Variants in CACNA1C observed in about 807,000 individuals in gnomAD.
The protein encoded by CACNA1C is calcium voltage-gated channel subunit alpha1 C, also known as voltage-dependent L-type calcium channel subunit alpha-1C.
Under a neutral mutation model 229.0 loss-of-function variants are expected in CACNA1C, and 30 were observed. The observed-to-expected ratio is 0.13, with a 90% CI of 0.10 to 0.18. The LOEUF (loss-of-function observed/expected upper bound fraction) is 0.18. CACNA1C is among the 10% of genes least tolerant of loss of function. The pLI is 1.00. For missense variants in CACNA1C, 1,658 were observed against 2,845.0 expected (o/e 0.58, Z 9.49); for synonymous variants, 1,114 against 1,132.5 (o/e 0.98, Z 0.33).
At chr12:2,155,953 T>C (rs2095532293) in intron 3 of CACNA1C, among the ~76,000 whole-genome samples, 1 of 152,218 alleles carries the variant, frequency 6.6e-6, no homozygotes, top group Admixed American at 6.5e-5. Flanking sequence ...TAATTTTTAT[T>C]ATTGTTATAA....
Position 2,585,629 on chromosome 12 carries a change from T to A in CACNA1C, c.2460+133T>A. The A allele has an allele frequency of 1.8e-6, 2 of 1,142,012 alleles. No homozygotes were observed. Among genetic ancestry groups the A allele is most frequent in the Non-Finnish European group, 2.5e-6 (2 of 811,532 alleles). The allele number at this position is 1,142,012 out of a possible 1,614,324, so 70.7% of individuals were successfully genotyped here. ...CCAGTGGAAAGAAAGCCAGTGGGGA[T>A]GAACAGGAGAGCTGGGAGGGGGAAG... On this transcript the variant is annotated intron_variant, in intron 17 of 46. Coordinates refer to ENST00000399655, the MANE Select transcript of CACNA1C (RefSeq NM_000719.7). The surrounding 1 kb of genome is among the most constrained non-coding windows in gnomAD (Gnocchi z 4.1).
At chr12:2,045,753 C>T (rs774168506) in intron 1 of CACNA1C, among the ~76,000 whole-genome samples, 16 of 151,970 alleles carry the variant, frequency 1.1e-4, no homozygotes, top group Non-Finnish European at 1.9e-4. Context: ...GTTAGGGTAG[C>T]GCAGTGGGTT....
At chr12:2,221,264 G>A (rs1224569828) in intron 3 of CACNA1C, among the ~76,000 whole-genome samples, 1 of 152,198 alleles carries the variant, frequency 6.6e-6, no homozygotes, top group Non-Finnish European at 1.5e-5. Context: ...GGTAGGGAGG[G>A]TGACGTGTCT....
intron 3 of CACNA1C, among the ~76,000 whole-genome samples, chr12:2,424,377 G>A (rs2099008836): frequency 6.6e-6 from 1 of 152,184 alleles, no homozygotes; most frequent in Non-Finnish European, 1.5e-5. Context: ...GGAAAACGGG[G>A]AGAAGGTGAG....
intron 3 of CACNA1C, among the ~76,000 whole-genome samples, chr12:2,320,181 GTGGT>G (rs1401576262): frequency 6.6e-6 from 1 of 152,202 alleles, no homozygotes; most frequent in Non-Finnish European, 1.5e-5. Flanking sequence ...TGGGTTTCCA[GTGGT>G]TGGTCAGTGC....
chr12:2,650,670 G>A (rs1278345805), intron 31 of CACNA1C, among the ~76,000 whole-genome samples: 1 of 152,150 alleles, frequency 6.6e-6, no homozygotes, highest in Admixed American at 6.5e-5. Context: ...AGCCCGTCCT[G>A]CCCCCTGAGC....
intron 1 of CACNA1C, chr12:2,011,254 A>C (rs2044390582): frequency 6.6e-6 from 1 of 152,154 alleles, no homozygotes; most frequent in South Asian, 2.1e-4. Flanking sequence ...GGACAATGGA[A>C]GTTGCTGGCC....
intron 26 of CACNA1C, chr12:2,607,349 C>A: frequency 1.9e-6 from 1 of 516,766 alleles, no homozygotes; most frequent in Non-Finnish European, 3.4e-6. Flanking sequence ...AAACTCCCAC[C>A]AAAAGTGACC....
chr12:2,259,145 T>C (rs1196340090), intron 3 of CACNA1C, among the ~76,000 whole-genome samples: 1 of 152,198 alleles, frequency 6.6e-6, no homozygotes, highest in African/African-American at 2.4e-5. Context: ...GCAGTGGTTC[T>C]CAGAATATGG....
At chr12:2,645,035 G>A (rs1372072040) in intron 30 of CACNA1C, among the ~76,000 whole-genome samples, 1 of 152,102 alleles carries the variant, frequency 6.6e-6, no homozygotes, top group Non-Finnish European at 1.5e-5. Flanking sequence ...TCAATTACGT[G>A]AACAAATTAA....
chr12:2,273,677 G>A lies in CACNA1C; in HGVS notation c.477+153247G>A, dbSNP rs116936081. ...CTTGGCAAACAAAGCTCAGATAGAC[G>A]GAGGGGTGTTCAAGGAACTTTGCAC... is the stretch of plus-strand genomic sequence containing the variant. On this transcript the variant is annotated intron_variant, in intron 3 of 46. Transcript: ENST00000399655. 1.6e-4 allele frequency among the ~76,000 whole-genome samples: 25 copies of A among 152,318 alleles called. No homozygotes were observed. In the East Asian group the frequency reaches 1.7e-3, roughly 11 times the overall value.
chr12:2,543,993 AC>A (rs940169852), intron 9 of CACNA1C, among the ~76,000 whole-genome samples: 9 of 151,950 alleles, frequency 5.9e-5, no homozygotes, highest in African/African-American at 1.9e-4. Context: ...GCCTACGTCC[AC>A]CCCCTATATC....
At chr12:2,296,573 C>T (rs941536618) in intron 3 of CACNA1C, among the ~76,000 whole-genome samples, 1 of 152,204 alleles carries the variant, frequency 6.6e-6, no homozygotes, top group African/African-American at 2.4e-5. Flanking sequence ...AATATCCTCA[C>T]ATGGGACCAC....
chr12:2,484,908 TC>T (rs376083208), intron 5 of CACNA1C, among the ~76,000 whole-genome samples: 6 of 88,494 alleles, frequency 6.8e-5, no homozygotes, highest in African/African-American at 3.3e-4. Context: ...TTCTCTTCTT[TC>T]TTTTTTTTTT....
At chr12:2,070,335 GA>G (rs1449002852) in intron 1 of CACNA1C, among the ~76,000 whole-genome samples, 7 of 152,178 alleles carry the variant, frequency 4.6e-5, no homozygotes, top group Admixed American at 1.3e-4. Flanking sequence ...GTGTGACTAA[GA>G]AGTCACACCC....
At chr12:2,086,037 C>T (rs542407606) in intron 1 of CACNA1C, among the ~76,000 whole-genome samples, 3 of 152,172 alleles carry the variant, frequency 2.0e-5, no homozygotes, top group African/African-American at 4.8e-5. Context: ...GGACTTCTTC[C>T]GCAGATGCAG....
chr12:2,053,312 T>G lies in CACNA1C; in HGVS notation c.-251T>G. 8.1e-7 allele frequency: 1 copy of G among 1,228,266 alleles called. No individual in the cohort carries two copies. The highest frequency in any genetic ancestry group is 1.0e-6 in the Non-Finnish European group (1 of 981,080). The allele number at this position is 1,228,266 out of a possible 1,614,324, so 76.1% of individuals were successfully genotyped here. On this transcript the variant is annotated 5_prime_UTR_variant, in exon 1 of 47. It removes an upstream start codon present in the reference 5' UTR. Transcript: ENST00000399655. This position sits in a 1 kb window ranked among gnomAD's most constrained non-coding sequence, Gnocchi z 5.8. ...GCTCAGTTCTTGGAAGGGGCCCGGA[T>G]GTACTGAGGATGCGTTACAGTTTCA...
chr12:2,435,929 C>T (rs1271022481), intron 3 of CACNA1C, among the ~76,000 whole-genome samples: 1 of 152,206 alleles, frequency 6.6e-6, no homozygotes, highest in South Asian at 2.1e-4. Flanking sequence ...GGCCAGGAGG[C>T]TGCAGAACCA....
intron 10 of CACNA1C, among the ~76,000 whole-genome samples, 183 bp from the exon 11 acceptor site, chr12:2,556,768 C>T (rs147955816): frequency 7.8e-4 from 119 of 152,326 alleles, no homozygotes; most frequent in African/African-American, 2.5e-3. Flanking sequence ...AGACCTCAGT[C>T]TCCACATTCA....
Sources: allele counts gnomAD v4.1 joint callset (sites outside exome capture counted in the v4.1 genomes callset), GRCh38; gene constraint gnomAD v4.1.1; non-coding constraint Gnocchi (gnomAD v3.1); transcripts MANE v1.5; gene names NCBI Gene and HGNC (gene_info 2026-07-23, HGNC 2026-07-21).